ARPC1A: variants seen among roughly 807,000 people sequenced by gnomAD.
ARPC1A encodes actin related protein 2/3 complex subunit 1A.
In ARPC1A, 8 loss-of-function variants were observed where a neutral mutation model predicts 46.9. That is an observed-to-expected ratio of 0.17 (90% CI 0.10 to 0.31). The LOEUF (loss-of-function observed/expected upper bound fraction) is 0.31. ARPC1A is among the 10% of genes least tolerant of loss of function. ARPC1A has a pLI of 1.00. For missense variants in ARPC1A, 286 were observed against 483.6 expected (o/e 0.59, Z 3.83); for synonymous variants, 152 against 169.0 (o/e 0.90, Z 0.78).
intron 2 of ARPC1A, chr7:99,335,357 G>GC: frequency 2.4e-6 from 1 of 420,746 alleles, no homozygotes; most frequent in South Asian, 1.7e-5. Flanking sequence ...TATTGCCTTG[G>GC]CCCCCTTTTT....
chr7:99,350,041 G>A (rs542747981), intron 5 of ARPC1A, among the ~76,000 whole-genome samples: 1 of 152,182 alleles, frequency 6.6e-6, no homozygotes, highest in Non-Finnish European at 1.5e-5. Flanking sequence ...ACAAAAAAAT[G>A]GAAGCAGTTT....
At chr7:99,343,282 A>T (rs1300430989) in intron 3 of ARPC1A, among the ~76,000 whole-genome samples, 1 of 152,036 alleles carries the variant, frequency 6.6e-6, no homozygotes, top group Non-Finnish European at 1.5e-5. Flanking sequence ...CCTGGTCAAC[A>T]TGGTGAAACC....
At chr7:99,360,535 C>T (rs997920798) in intron 8 of ARPC1A, among the ~76,000 whole-genome samples, 3 of 152,072 alleles carry the variant, frequency 2.0e-5, no homozygotes, top group African/African-American at 7.2e-5. Context: ...CCCTGTTGGC[C>T]ATCCTGGTTT....
chr7:99,357,826 T>C lies in ARPC1A; in HGVS notation c.714-514T>C, dbSNP rs1793666309. ...GTGTGAGCTCCTGGCTAAGACCGTTTGGTTCATCTTGGTAGCTCTAGCTCC... is the reference window on the plus strand; with the variant it reads ...GTGTGAGCTCCTGGCTAAGACCGTTCGGTTCATCTTGGTAGCTCTAGCTCC... On this transcript the variant is annotated intron_variant, in intron 6 of 9. Coordinates refer to ENST00000262942, the MANE Select transcript of ARPC1A (RefSeq NM_006409.4). Among the ~76,000 whole-genome samples the C allele has an allele frequency of 2.0e-5, 3 of 152,230 alleles. No individual in the cohort carries two copies. In the South Asian group the frequency reaches 6.2e-4, roughly 31 times the overall value.
rs1486125503 is a variant in ARPC1A, at chr7:99,363,603, C to T, written c.1044C>T (p.Ile348=). The T allele has an allele frequency of 5.6e-6, 9 of 1,611,946 alleles. No individual in the cohort carries two copies. Among genetic ancestry groups the T allele is most frequent in the Non-Finnish European group, 7.6e-6 (9 of 1,179,500 alleles). Reference sequence around the variant, plus strand: ...GTCGCAAATTTTGCACTACTGGCATCGATGGAGCCATGACAATTTGGGATT... The same window carrying T: ...GTCGCAAATTTTGCACTACTGGCATTGATGGAGCCATGACAATTTGGGATT... ...QDCRKFCTTG[I]DGAMTIWDFK... The change falls in exon 9 of 10, where the codon ATC becomes ATT. Residue 348 remains isoleucine (I), a synonymous_variant. Transcript: ENST00000262942.
Position 99,365,896 on chromosome 7 carries a change from C to T in ARPC1A, c.1080C>T (p.Leu360=), listed in dbSNP as rs764800793. 4.4e-6 allele frequency: 7 copies of T among 1,574,766 alleles called. No homozygotes were observed. Among genetic ancestry groups the T allele is most frequent in the South Asian group, 3.5e-5 (3 of 86,100 alleles). The change falls in exon 10 of 10, where the codon CTC becomes CTT. Residue 360 remains leucine (L), a synonymous_variant. Coordinates refer to ENST00000262942, the MANE Select transcript of ARPC1A (RefSeq NM_006409.4). ...CTCTTCCCACCTTTTCCAAGACCCTCGAGTCTTCCATCCAGGGCCTCCGGA... is the reference window on the plus strand; with the variant it reads ...CTCTTCCCACCTTTTCCAAGACCCTTGAGTCTTCCATCCAGGGCCTCCGGA... ...GAMTIWDFKT[L]ESSIQGLRIM
rs1396196225 is a variant in ARPC1A, at chr7:99,366,161, T to C, written c.*232T>C. The C allele has an allele frequency of 1.9e-6, 1 of 535,862 alleles. No homozygotes were observed. Among genetic ancestry groups the C allele is most frequent in the Non-Finnish European group, 3.3e-6 (1 of 303,248 alleles). 33.2% of individuals were successfully genotyped at this position (535,862 alleles called of 1,614,324 possible). A position where few individuals can be genotyped will look rare whatever the true frequency, so the allele number is the denominator to read the frequency against. On this transcript the variant is annotated 3_prime_UTR_variant, in exon 10 of 10. Coordinates refer to ENST00000262942, the MANE Select transcript of ARPC1A (RefSeq NM_006409.4). ...TCCATTCTTGACCAAAGCTTCTCTT[T>C]AAGTAGTTTATTATGGAAAATTGTC...
intron 1 of ARPC1A, among the ~76,000 whole-genome samples, chr7:99,332,726 C>G (rs1027417568): frequency 3.3e-5 from 5 of 149,414 alleles, no homozygotes; most frequent in Non-Finnish European, 6.0e-5. Flanking sequence ...CTCGGCCTCC[C>G]AAGTAGCTGG....
Position 99,326,021 on chromosome 7 carries a change from G to A in ARPC1A, c.-30+17G>A, listed in dbSNP as rs1174109391. ...CGATCCCAGGTAACGGCCAGCAGGGGCGAGCGTCTCACCCTGTCGGCCTCT... is the reference window on the plus strand; with the variant it reads ...CGATCCCAGGTAACGGCCAGCAGGGACGAGCGTCTCACCCTGTCGGCCTCT... On this transcript the variant is annotated intron_variant, in intron 1 of 9. Coordinates refer to ENST00000262942, the MANE Select transcript of ARPC1A (RefSeq NM_006409.4). 1 of 152,394 alleles carries A rather than the reference G, an allele frequency of 6.6e-6. No individual in the cohort carries two copies. Among genetic ancestry groups the A allele is most frequent in the African/African-American group, 2.4e-5 (1 of 41,462 alleles). 9.4% of individuals were successfully genotyped at this position (152,394 alleles called of 1,614,324 possible). A position where few individuals can be genotyped will look rare whatever the true frequency, so the allele number is the denominator to read the frequency against.
chr7:99,348,078 C>T (rs963524565), intron 4 of ARPC1A, among the ~76,000 whole-genome samples: 1 of 152,054 alleles, frequency 6.6e-6, no homozygotes, highest in Non-Finnish European at 1.5e-5. Flanking sequence ...CTTCTAATTT[C>T]TTGGTTGTGA....
At chr7:99,348,822 A>T (rs1182918917) in intron 4 of ARPC1A, 30 bp from the exon 5 acceptor site, 2 of 1,588,234 alleles carry the variant, frequency 1.3e-6, no homozygotes, top group Admixed American at 3.4e-5. Flanking sequence ...GGTTGAGTGG[A>T]TAAACTGAAA....
At chr7:99,360,029 A>G in intron 8 of ARPC1A, 1 of 465,492 alleles carries the variant, frequency 2.1e-6, no homozygotes, top group South Asian at 2.3e-5. Context: ...GTGGGGCCTC[A>G]GGGCAGCTGC....
At chr7:99,346,892 T>C (rs778321859) in intron 4 of ARPC1A, among the ~76,000 whole-genome samples, 10 of 151,966 alleles carry the variant, frequency 6.6e-5, no homozygotes, top group Non-Finnish European at 1.0e-4. Context: ...GGCAGGAGAA[T>C]CGCTTGAACC....
At chr7:99,351,888 G>T (rs993113390) in intron 5 of ARPC1A, among the ~76,000 whole-genome samples, 4 of 152,194 alleles carry the variant, frequency 2.6e-5, no homozygotes. Context: ...CTCTGGGCCA[G>T]AACATCCTCA....
At chr7:99,329,067 G>A (rs1409650857) in intron 1 of ARPC1A, among the ~76,000 whole-genome samples, 3 of 152,012 alleles carry the variant, frequency 2.0e-5, no homozygotes, top group Non-Finnish European at 2.9e-5. Flanking sequence ...TTGGGAGGCC[G>A]AGGCAGGCGG....
intron 8 of ARPC1A, among the ~76,000 whole-genome samples, chr7:99,361,656 C>T (rs1253942035): frequency 6.6e-6 from 1 of 152,146 alleles, no homozygotes; most frequent in Non-Finnish European, 1.5e-5. Flanking sequence ...AAAGAAAAAG[C>T]TCTCATTGCC....
At chr7:99,358,799 C>G (rs752956979) in intron 7 of ARPC1A, 1 of 175,564 alleles carries the variant, frequency 5.7e-6, no homozygotes, top group Non-Finnish European at 1.2e-5. Flanking sequence ...CTTGGCCTCC[C>G]AAAGTGCGGG....
In ARPC1A at chr7:99,359,371, GGTT is replaced by G. The variant is rs71515270; in HGVS notation, c.790-171_790-169del. Among the ~76,000 whole-genome samples the G allele has an allele frequency of 1.4e-3, 208 of 151,260 alleles. 2 individuals are homozygous for G. The highest frequency in any genetic ancestry group is 2.1e-3 in the Non-Finnish European group (143 of 67,912). Reference sequence around the variant, plus strand: ...GAATTACTTGAACCCGGGAAGCAGAGGTTGTGGTGACCTGAGATTGTGCCACTG... The same window carrying G: ...GAATTACTTGAACCCGGGAAGCAGAGGTGGTGACCTGAGATTGTGCCACTG... On this transcript the variant is annotated intron_variant, in intron 7 of 9. Coordinates refer to ENST00000262942, the MANE Select transcript of ARPC1A (RefSeq NM_006409.4).
At chr7:99,330,329 T>C (rs1793125846) in intron 1 of ARPC1A, among the ~76,000 whole-genome samples, 1 of 152,082 alleles carries the variant, frequency 6.6e-6, no homozygotes, top group South Asian at 2.1e-4. Flanking sequence ...GTTTGTTTTG[T>C]TTTGATACAG....
Sources: allele counts gnomAD v4.1 joint callset (sites outside exome capture counted in the v4.1 genomes callset), GRCh38; gene constraint gnomAD v4.1.1; transcripts MANE v1.5; gene names NCBI Gene and HGNC (gene_info 2026-07-23, HGNC 2026-07-21).